Variants in KCTD8 observed in about 807,000 individuals in gnomAD.
KCTD8 encodes potassium channel tetramerization domain containing 8.
A neutral mutation model predicts 31.5 loss-of-function variants in KCTD8; 27 were observed. That is an observed-to-expected ratio of 0.86 (90% CI 0.63 to 1.18). The LOEUF is 1.18. Among genes scored for constraint, KCTD8 ranks in the 50% most tolerant of loss-of-function variants. The probability of loss-of-function intolerance (pLI) is 0.00; values close to 1 mark genes in which losing one functional copy is unlikely to be tolerated. For missense variants in KCTD8, 658 were observed against 647.7 expected, an observed-to-expected ratio of 1.02 and a Z score of -0.17; for synonymous variants, 290 against 280.0, an observed-to-expected ratio of 1.04 and a Z score of -0.36.
intron 1 of KCTD8, among the ~76,000 whole-genome samples, chr4:44,283,710 T>C (rs1275883328): frequency 6.6e-6 from 1 of 152,158 alleles, no homozygotes; most frequent in Non-Finnish European, 1.5e-5. Context: ...GATGACATTA[T>C]TTTATATTTA....
At chr4:44,185,806 T>G (rs1255426885) in intron 1 of KCTD8, among the ~76,000 whole-genome samples, 1 of 152,068 alleles carries the variant, frequency 6.6e-6, no homozygotes, top group African/African-American at 2.4e-5. Flanking sequence ...GTACTGAGCC[T>G]ATTTTGTCTT....
chr4:44,365,936 T>A (rs1719620492), intron 1 of KCTD8, among the ~76,000 whole-genome samples: 1 of 152,138 alleles, frequency 6.6e-6, no homozygotes, highest in Admixed American at 6.6e-5. Context: ...TATGCAATCA[T>A]CAACATGGAG....
chr4:44,181,827 G>A (rs1373010333), intron 1 of KCTD8, among the ~76,000 whole-genome samples: 9 of 150,150 alleles, frequency 6.0e-5, no homozygotes, highest in East Asian at 4.0e-4. Flanking sequence ...GCTGCCCATC[G>A]TCTGAGATGT....
At chr4:44,318,418 G>A (rs1718201705) in intron 1 of KCTD8, among the ~76,000 whole-genome samples, 1 of 152,044 alleles carries the variant, frequency 6.6e-6, no homozygotes, top group Admixed American at 6.5e-5. Context: ...ATTTCTGATG[G>A]GTCTATGAGA....
intron 1 of KCTD8, among the ~76,000 whole-genome samples, chr4:44,417,271 A>T (rs1721098228): frequency 6.6e-6 from 1 of 152,146 alleles, no homozygotes; most frequent in East Asian, 1.9e-4. Flanking sequence ...TGTTTTTCTT[A>T]TCTCATTATC....
intron 1 of KCTD8, among the ~76,000 whole-genome samples, chr4:44,288,223 G>T (rs1253540318): frequency 6.6e-6 from 1 of 152,062 alleles, no homozygotes; most frequent in Non-Finnish European, 1.5e-5. Context: ...GTTGAGAAAT[G>T]GCTGTAGAGT....
At chr4:44,336,007 G>A (rs2109415368) in intron 1 of KCTD8, among the ~76,000 whole-genome samples, 1 of 150,128 alleles carries the variant, frequency 6.7e-6, no homozygotes, top group Non-Finnish European at 1.5e-5. Flanking sequence ...AAAATTAGCC[G>A]GGCGTAGTGG....
chr4:44,244,635 T>C (rs1341128059), intron 1 of KCTD8, among the ~76,000 whole-genome samples: 1 of 152,136 alleles, frequency 6.6e-6, no homozygotes, highest in Non-Finnish European at 1.5e-5. Flanking sequence ...TAGGAACTGG[T>C]CATAAAGAAA....
At chr4:44,286,041 T>C (rs544026295) in intron 1 of KCTD8, among the ~76,000 whole-genome samples, 30 of 152,272 alleles carry the variant, frequency 2.0e-4, no homozygotes, top group South Asian at 1.0e-3. Context: ...CCTTATCTTA[T>C]CTCAATGGTC....
intron 1 of KCTD8, among the ~76,000 whole-genome samples, chr4:44,249,801 C>A (rs1383880762): frequency 6.6e-6 from 1 of 151,202 alleles, no homozygotes; most frequent in Non-Finnish European, 1.5e-5. Context: ...TTCCCCTCCT[C>A]TTTCCTTCCC....
intron 1 of KCTD8, among the ~76,000 whole-genome samples, chr4:44,279,326 T>TG (rs1280032502): frequency 6.6e-6 from 1 of 152,006 alleles, no homozygotes; most frequent in South Asian, 2.1e-4. Context: ...TATTGGAAGC[T>TG]GGGGGAGACC....
At position 44,447,611 on chromosome 4, in the gene KCTD8, A is replaced by T. The variant is rs747676954; in HGVS notation, c.913T>A (p.Tyr305Asn). Residue 305 changes from tyrosine (Y) to asparagine (N), a missense_variant, in exon 1 of 2, where the codon TAC (tyrosine) becomes AAC (asparagine). By Grantham distance (143) the Tyr-to-Asn change is moderately radical (BLOSUM62 -2). Transcript: ENST00000360029. ...CTGCTCCAGATCTTGTCGTCGCGGTACTGGTTGACGAAGGCGGCGGTGCCC... is the reference window on the plus strand; with the variant it reads ...CTGCTCCAGATCTTGTCGTCGCGGTTCTGGTTGACGAAGGCGGCGGTGCCC... ...SSGTAAFVNQ[Y>N]RDDKIWSSYT... is the part of the protein sequence containing the mutation. The T allele has an allele frequency of 6.2e-7, 1 of 1,604,986 alleles. No individual in the cohort carries two copies. Among genetic ancestry groups the T allele is most frequent in the Admixed American group, 1.7e-5 (1 of 58,552 alleles).
chr4:44,188,351 G>T (rs1713654101), intron 1 of KCTD8, among the ~76,000 whole-genome samples: 1 of 152,190 alleles, frequency 6.6e-6, no homozygotes, highest in African/African-American at 2.4e-5. Flanking sequence ...ATAAAAAAGT[G>T]CCCAGCTTTT....
chr4:44,410,541 T>G (rs751071094), intron 1 of KCTD8, among the ~76,000 whole-genome samples: 5 of 152,152 alleles, frequency 3.3e-5, no homozygotes, highest in Admixed American at 6.5e-5. Flanking sequence ...TAGTTTGTTT[T>G]AATGCTGCTG....
intron 1 of KCTD8, among the ~76,000 whole-genome samples, chr4:44,376,448 G>C (rs956676354): frequency 6.6e-6 from 1 of 152,162 alleles, no homozygotes; most frequent in Non-Finnish European, 1.5e-5. Flanking sequence ...TTTCACCAGA[G>C]AGTAATGCAC....
chr4:44,243,327 G>T (rs951869972), intron 1 of KCTD8, among the ~76,000 whole-genome samples: 4 of 152,136 alleles, frequency 2.6e-5, no homozygotes, highest in Non-Finnish European at 5.9e-5. Flanking sequence ...TTCAAGTATG[G>T]TTACAAATGT....
chr4:44,415,515 C>T (rs868181602), intron 1 of KCTD8, among the ~76,000 whole-genome samples: 1 of 152,098 alleles, frequency 6.6e-6, no homozygotes, highest in Non-Finnish European at 1.5e-5. Flanking sequence ...CATCACAAAC[C>T]CTGAAGCCTA....
At chr4:44,336,946 T>C (rs1337977109) in intron 1 of KCTD8, among the ~76,000 whole-genome samples, 2 of 151,958 alleles carry the variant, frequency 1.3e-5, no homozygotes, top group African/African-American at 2.4e-5. Context: ...TTAAGAAAGA[T>C]TGAATAAATT....
At chr4:44,212,043 G>C (rs2109343953) in intron 1 of KCTD8, among the ~76,000 whole-genome samples, 1 of 152,184 alleles carries the variant, frequency 6.6e-6, no homozygotes, top group South Asian at 2.1e-4. Flanking sequence ...TATACACAGA[G>C]AATAGATTTG....
Sources: gnomAD v4.1 joint callset for allele counts (sites outside exome capture counted in the v4.1 genomes callset) on GRCh38, gnomAD v4.1.1 for gene constraint, MANE v1.5 for transcripts, NCBI Gene and HGNC (gene_info 2026-07-23, HGNC 2026-07-21) for gene names.